Variants in TTC28 observed in about 807,000 individuals in gnomAD.
TTC28 encodes tetratricopeptide repeat domain 28, also known as tetratricopeptide repeat protein 28.
Under a neutral mutation model 198.0 loss-of-function variants are expected in TTC28, and 61 were observed. The ratio of observed to expected loss-of-function variants is 0.31; its 90% CI spans 0.25 to 0.38. The LOEUF (loss-of-function observed/expected upper bound fraction) is 0.38, where lower values mean the gene tolerates loss of function less well. Ranked by LOEUF, TTC28 falls within the 10% of genes least tolerant of loss-of-function variation. The probability of loss-of-function intolerance (pLI) is 1.00; values close to 1 mark genes in which losing one functional copy is unlikely to be tolerated. For synonymous variants in TTC28, 1,171 were observed against 1,297.8 expected, an observed-to-expected ratio of 0.90 and a Z score of 2.10; for missense variants, 2,678 against 3,164.0, an observed-to-expected ratio of 0.85 and a Z score of 3.69.
At chr22:28,203,464 T>A (rs2147158944) in intron 5 of TTC28, among the ~76,000 whole-genome samples, 1 of 152,300 alleles carries the variant, frequency 6.6e-6, no homozygotes, top group East Asian at 1.9e-4. Context: ...ACAATGGCCC[T>A]AAGGTCCCCA....
intron 8 of TTC28, among the ~76,000 whole-genome samples, chr22:28,101,584 C>T (rs1010135144): frequency 6.6e-6 from 1 of 151,908 alleles, no homozygotes; most frequent in Non-Finnish European, 1.5e-5. Context: ...TGGTCTCCAG[C>T]TCCTGATCCA....
chr22:28,167,481 G>A (rs1285517352), intron 5 of TTC28, among the ~76,000 whole-genome samples: 1 of 152,184 alleles, frequency 6.6e-6, no homozygotes, highest in African/African-American at 2.4e-5. Flanking sequence ...CCACGATCAC[G>A]TGGACTTCAT....
intron 1 of TTC28, among the ~76,000 whole-genome samples, chr22:28,650,289 C>T (rs867182527): frequency 2.0e-4 from 30 of 151,986 alleles, no homozygotes; most frequent in African/African-American, 1.4e-4. Context: ...GAATAATTTG[C>T]GTGCCTATGG....
chr22:28,164,179 A>C (rs1921596230), intron 5 of TTC28, among the ~76,000 whole-genome samples: 1 of 152,216 alleles, frequency 6.6e-6, no homozygotes, highest in Non-Finnish European at 1.5e-5. Context: ...ACCACAGTTC[A>C]AAGAGGCCTG....
intron 2 of TTC28, among the ~76,000 whole-genome samples, chr22:28,505,466 G>A (rs2048598739): frequency 6.6e-6 from 1 of 152,018 alleles, no homozygotes; most frequent in African/African-American, 2.4e-5. Flanking sequence ...GCAGAGTGGG[G>A]TGACAGCCCA....
chr22:28,463,188 C>G (rs936915589), intron 2 of TTC28, among the ~76,000 whole-genome samples: 4 of 152,224 alleles, frequency 2.6e-5, no homozygotes, highest in African/African-American at 9.6e-5. Context: ...AACTTACTAT[C>G]TCACATTAAG....
At chr22:28,016,616 G>A (rs888579380) in intron 13 of TTC28, among the ~76,000 whole-genome samples, 6 of 152,208 alleles carry the variant, frequency 3.9e-5, no homozygotes, top group African/African-American at 1.4e-4. Flanking sequence ...GGTGACCAGG[G>A]GGAGTGCCAT....
chr22:28,508,624 A>G (rs2048644729), intron 2 of TTC28, among the ~76,000 whole-genome samples: 1 of 152,228 alleles, frequency 6.6e-6, no homozygotes, highest in Non-Finnish European at 1.5e-5. Context: ...CAAAAAAAAG[A>G]CTAAGAAGGG....
chr22:28,512,946 A>G (rs2146399104), intron 2 of TTC28, among the ~76,000 whole-genome samples: 1 of 151,916 alleles, frequency 6.6e-6, no homozygotes, highest in Non-Finnish European at 1.5e-5. Flanking sequence ...GAAGAAAAAA[A>G]GAGAAAGTTA....
chr22:28,575,121 T>C (rs1204775773), intron 2 of TTC28, among the ~76,000 whole-genome samples: 1 of 152,120 alleles, frequency 6.6e-6, no homozygotes, highest in Non-Finnish European at 1.5e-5. Context: ...TCCTAGAGAG[T>C]TTCTCCCAAT....
At chr22:28,018,244 AGTGTGTGTGTGTGT>A (rs138612299) in intron 13 of TTC28, among the ~76,000 whole-genome samples, 13 of 114,904 alleles carry the variant, frequency 1.1e-4, no homozygotes, top group South Asian at 3.1e-4. Context: ...GCTGCTATTC[AGTGTGTGTGTGTGT>A]GTGTGTGTGT....
intron 2 of TTC28, among the ~76,000 whole-genome samples, chr22:28,628,862 T>C (rs1217713510): frequency 6.6e-6 from 1 of 151,494 alleles, no homozygotes; most frequent in Non-Finnish European, 1.5e-5. Flanking sequence ...GAGTCAAGAT[T>C]GCACCACTGC....
At chr22:28,168,705 T>A (rs28873463) in intron 5 of TTC28, among the ~76,000 whole-genome samples, 2,529 of 152,112 alleles carry the variant, frequency 0.017, 84 homozygotes, top group African/African-American at 0.057. Flanking sequence ...GTTAGACCTA[T>A]AACCATAAAA....
intron 2 of TTC28, among the ~76,000 whole-genome samples, chr22:28,446,248 T>C (rs1016965766): frequency 2.0e-5 from 3 of 147,398 alleles, no homozygotes; most frequent in Non-Finnish European, 4.4e-5. Context: ...TCAATATTTT[T>C]TAAGGCAAAA....
intron 5 of TTC28, among the ~76,000 whole-genome samples, chr22:28,165,586 T>C (rs1265083607): frequency 2.6e-5 from 4 of 152,122 alleles, no homozygotes; most frequent in Non-Finnish European, 5.9e-5. Context: ...CTAAGCTTCA[T>C]AAGTGAAGGA....
intron 5 of TTC28, among the ~76,000 whole-genome samples, chr22:28,179,332 T>C (rs980826770): frequency 1.3e-5 from 2 of 151,892 alleles, no homozygotes; most frequent in African/African-American, 2.4e-5. Context: ...GCTAATTTTT[T>C]TTTTGTATTT....
chr22:28,250,507 C>T (rs1275921533), intron 5 of TTC28, among the ~76,000 whole-genome samples: 1 of 152,092 alleles, frequency 6.6e-6, no homozygotes, highest in Non-Finnish European at 1.5e-5. Context: ...CCAGGACTTA[C>T]CAGCAGATAC....
chr22:28,071,879 C>G (rs942019476), intron 12 of TTC28, among the ~76,000 whole-genome samples: 1 of 152,142 alleles, frequency 6.6e-6, no homozygotes, highest in Non-Finnish European at 1.5e-5. Context: ...GAACTCCTCA[C>G]CGCATTAGCA....
At chr22:28,653,803 C>G (rs967985314) in intron 1 of TTC28, among the ~76,000 whole-genome samples, 4 of 152,176 alleles carry the variant, frequency 2.6e-5, no homozygotes, top group African/African-American at 9.7e-5. Context: ...AAACCCTTTT[C>G]TCCTGTTAAT....
Sources: gnomAD v4.1 joint callset for allele counts (sites outside exome capture counted in the v4.1 genomes callset) on GRCh38, gnomAD v4.1.1 for gene constraint, MANE v1.5 for transcripts, NCBI Gene and HGNC (gene_info 2026-07-23, HGNC 2026-07-21) for gene names.